KCP: variants seen among roughly 807,000 people sequenced by gnomAD.
KCP encodes kielin cysteine rich BMP regulator, also known as kielin/chordin-like protein.
In KCP, 194 loss-of-function variants were observed where a neutral mutation model predicts 212.7. The observed-to-expected ratio is 0.91, with a 90% CI of 0.81 to 1.03. KCP has a LOEUF of 1.03. KCP is among the 50% of genes least tolerant of loss of function. KCP has a pLI of 0.00. For missense variants in KCP, 2,080 were observed against 2,162.5 expected, an observed-to-expected ratio of 0.96 and a Z score of 0.76; for synonymous variants, 833 against 865.3, an observed-to-expected ratio of 0.96 and a Z score of 0.65.
intron 6 of KCP, 59 bp downstream of exon 6, chr7:128,903,997 G>A: frequency 6.7e-7 from 1 of 1,482,832 alleles, no homozygotes; most frequent in Non-Finnish European, 9.2e-7. Context: ...GCAGGGCCCA[G>A]GGCAGGGCAG....
rs1460772699 is a variant in KCP, at chr7:128,881,728, GC to G, written c.3325-4del. On this transcript the variant is annotated splice_polypyrimidine_tract_variant and splice_region_variant and intron_variant, in intron 30 of 39. Transcript: ENST00000610776. Reference sequence around the variant, plus strand: ...TGGATGCAGAGCCATGTCAGGTCCTGCCCATGTGAACACAAGAGGTAGAGAA... The same window carrying G: ...TGGATGCAGAGCCATGTCAGGTCCTGCCATGTGAACACAAGAGGTAGAGAA... 6.5e-7 allele frequency: 1 copy of G among 1,537,434 alleles called. No individual in the cohort carries two copies. The highest frequency in any genetic ancestry group is 1.4e-5 in the African/African-American group (1 of 71,834).
chr7:128,899,451 C>T (rs1379173376), intron 8 of KCP, among the ~76,000 whole-genome samples: 2 of 152,170 alleles, frequency 1.3e-5, no homozygotes, highest in African/African-American at 4.8e-5. Flanking sequence ...GAAGAAAAAA[C>T]TTTCAGAACT....
At chr7:128,890,747 G>C (rs974166607) in intron 20 of KCP, among the ~76,000 whole-genome samples, 158 bp downstream of exon 20, 1 of 151,992 alleles carries the variant, frequency 6.6e-6, no homozygotes, top group East Asian at 1.9e-4. Context: ...GGGCCGTGCC[G>C]GCTGGCTCCC....
chr7:128,880,902 C>T (rs904909472), intron 32 of KCP, 95 bp downstream of exon 32: 9 of 399,438 alleles, frequency 2.3e-5, no homozygotes, highest in Non-Finnish European at 4.0e-5. Context: ...TGCCCCTGAC[C>T]CTTAAAGACC....
At chr7:128,888,607 CAGCCAG>C (rs1432809008) in intron 22 of KCP, among the ~76,000 whole-genome samples, 2 of 147,902 alleles carry the variant, frequency 1.4e-5, no homozygotes, top group Admixed American at 1.4e-4. Flanking sequence ...CACACACACA[CAGCCAG>C]ACACACACAC....
rs763855299 is a variant in KCP, at chr7:128,888,986, G to A, written c.2389C>T (p.Arg797Ter). 1.2e-5 allele frequency: 18 copies of A among 1,543,016 alleles called. No homozygotes were observed. Among genetic ancestry groups the A allele is most frequent in the Middle Eastern group, 1.7e-4 (1 of 5,964 alleles). The part of the protein sequence containing the change: ...YLSNQEFPDP[R>*]EPCNLCTCLG... The stretch of plus-strand genomic sequence containing the variant: ...CAGGTACACAGGTTGCAGGGTTCTC[G>A]GGGGTCTGGGAACTCCTGGTTACTC... The change falls in exon 22 of 40, where the codon CGA (arginine) becomes TGA (stop). Residue 797 changes from arginine to a stop codon, truncating the protein, a stop_gained. Coordinates refer to ENST00000610776, the MANE Select transcript of KCP (RefSeq NM_001366122.1). LOFTEE classifies it high-confidence loss of function.
Position 128,893,380 on chromosome 7 carries a change from G to A in KCP, c.1185+11C>T, listed in dbSNP as rs1454634754. The A allele has an allele frequency of 4.5e-6, 7 of 1,551,502 alleles. No homozygotes were observed. The highest frequency in any genetic ancestry group is 3.9e-5 in the Admixed American group (2 of 50,988). ...GAGGCAGATCTGGGTGTGAGCGGAG[G>A]GACCGCCTACCTGGCAGGAGCAGCG... On this transcript the variant is annotated intron_variant, in intron 12 of 39. Coordinates refer to ENST00000610776, the MANE Select transcript of KCP (RefSeq NM_001366122.1).
chr7:128,879,506 C>T lies in KCP; in HGVS notation c.4146+16G>A, dbSNP rs929888719. 21 of 1,545,208 alleles carry T rather than the reference C, an allele frequency of 1.4e-5. No individual in the cohort carries two copies. Among genetic ancestry groups the T allele is most frequent in the Middle Eastern group, 1.9e-4 (1 of 5,272 alleles). On this transcript the variant is annotated intron_variant, in intron 37 of 39. Coordinates refer to ENST00000610776, the MANE Select transcript of KCP (RefSeq NM_001366122.1). ...TCCCAGCAGGCAGCCCACCCAGACT[C>T]GCCCTGGAGCCGCACCTGGAGCCCG...
At chr7:128,887,158 C>A in intron 23 of KCP, 57 bp downstream of exon 23, 1 of 1,443,430 alleles carries the variant, frequency 6.9e-7, no homozygotes, top group South Asian at 1.2e-5. Context: ...CTCTTCCTGG[C>A]CAGAGAGGAG....
At chr7:128,896,016 T>C (rs1235721541) in intron 8 of KCP, among the ~76,000 whole-genome samples, 1 of 152,186 alleles carries the variant, frequency 6.6e-6, no homozygotes, top group Non-Finnish European at 1.5e-5. Context: ...CCAAGAACCC[T>C]TTCTTGGGGT....
At chr7:128,888,587 C>T (rs1793882123) in intron 22 of KCP, among the ~76,000 whole-genome samples, 1 of 151,320 alleles carries the variant, frequency 6.6e-6, no homozygotes, top group African/African-American at 2.4e-5. Flanking sequence ...CGGCCACACA[C>T]ACACAGAGCC....
Position 128,879,932 on chromosome 7 carries a change from A to G in KCP, c.3913T>C (p.Cys1305Arg). ...GSCSYVLAKDCHSGDFSVHVT... is the reference protein window; with the variant it reads ...GSCSYVLAKDRHSGDFSVHVT... ...GCACACCTGAAGTCCCCGCTGTGGC[A>G]GTCCTTGGCCAGCACATAGCTGCAA... The change falls in exon 35 of 40, where the codon TGC becomes CGC. Residue 1305 changes from cysteine to arginine, a missense_variant. Coordinates refer to ENST00000610776, the MANE Select transcript of KCP (RefSeq NM_001366122.1). 1.3e-6 allele frequency: 2 copies of G among 1,551,086 alleles called. No homozygotes were observed. The highest frequency in any genetic ancestry group is 8.7e-7 in the Non-Finnish European group (1 of 1,146,964).
rs373218468 is a variant in KCP at position 128,891,496 on chromosome 7, C to T, written c.1833G>A (p.Ala611=). Residue 611 remains alanine, a synonymous_variant, in exon 18 of 40, where the codon GCG becomes GCA. Transcript: ENST00000610776. ...AFGGKEYPSG[A]DFPHPSDPCR... is the part of the protein sequence containing the mutation. The stretch of plus-strand genomic sequence containing the variant: ...AGGGGTCAGAGGGGTGGGGGAAGTC[C>T]GCTCCGCTGGGGTACTCTTTCCCGC... 1 of 1,549,436 alleles carries T rather than the reference C, an allele frequency of 6.5e-7. No homozygotes were observed. Among genetic ancestry groups the T allele is most frequent in the Non-Finnish European group, 8.7e-7 (1 of 1,146,088 alleles).
chr7:128,893,430 T>C lies in KCP; in HGVS notation c.1146A>G (p.Arg382=). 3 of 1,551,432 alleles carry C rather than the reference T, an allele frequency of 1.9e-6. No individual in the cohort carries two copies. The highest frequency in any genetic ancestry group is 2.6e-6 in the Non-Finnish European group (3 of 1,146,894). The change falls in exon 12 of 40, where the codon AGA becomes AGG. Residue 382 remains arginine, a synonymous_variant. Coordinates refer to ENST00000610776, the MANE Select transcript of KCP (RefSeq NM_001366122.1). The part of the protein sequence containing the change: ...GHQYQSQETF[R]LQERGLCVRC... Reference sequence around the variant, plus strand: ...GGACACAGAGGCCCCGCTCTTGGAGTCTGAAGGTCTCCTGGCTCTGATACT... The same window carrying C: ...GGACACAGAGGCCCCGCTCTTGGAGCCTGAAGGTCTCCTGGCTCTGATACT...
At chr7:128,907,494 C>G (rs1795186298) in intron 2 of KCP, 41 bp from the exon 3 acceptor site, 2 of 1,345,572 alleles carry the variant, frequency 1.5e-6, no homozygotes, top group African/African-American at 1.5e-5. Flanking sequence ...GGCTCAGCTT[C>G]CCCCACCATC....
rs1793683182 is a variant in KCP at position 128,886,889 on chromosome 7, G to A, written c.2676C>T (p.Cys892=). ...AAGGCAGCTCACTGTGGCAAACAGG[G>A]CAGAAGCAGGGGCCTGGAGAGGGGT... The part of the protein sequence containing the change: ...CPHPSPGPCF[C]PVCHSCLSQG... Residue 892 remains cysteine, a synonymous_variant, in exon 24 of 40, where the codon TGC becomes TGT. Transcript: ENST00000610776. 6.5e-7 allele frequency: 1 copy of A among 1,529,540 alleles called. No homozygotes were observed. The highest frequency in any genetic ancestry group is 1.2e-5 in the South Asian group (1 of 82,800). 94.7% of individuals were successfully genotyped at this position (1,529,540 alleles called of 1,614,324 possible).
intron 31 of KCP, among the ~76,000 whole-genome samples, chr7:128,881,350 A>G (rs2128944571): frequency 6.6e-6 from 1 of 152,356 alleles, no homozygotes; most frequent in Non-Finnish European, 1.5e-5. Flanking sequence ...CAGCAGTGCA[A>G]TGCCCTCTTC....
chr7:128,877,224 A>C lies in KCP; in HGVS notation c.4706T>G (p.Leu1569Arg). ...CACGCAGTGGGCTGCCAGCTCCCCC[A>C]GGGGGATATGCTGATTGAAGCAGGT... Reference protein sequence around the residue: ...PRTCFNQHIPLGELAAHCVRP... With the variant: ...PRTCFNQHIPRGELAAHCVRP... Residue 1569 changes from leucine to arginine, a missense_variant, in exon 40 of 40, where the codon CTG (leucine) becomes CGG (arginine). Physicochemically the swap from Leu to Arg is moderately radical, Grantham distance 102. Transcript: ENST00000610776. The C allele has an allele frequency of 6.8e-7, 1 of 1,478,798 alleles. No homozygotes were observed. The highest frequency in any genetic ancestry group is 9.0e-7 in the Non-Finnish European group (1 of 1,115,338). The allele number at this position is 1,478,798 out of a possible 1,614,324, so 91.6% of individuals were successfully genotyped here.
In KCP at chr7:128,890,403, C is replaced by T. The variant is rs1477879666; in HGVS notation, c.2275G>A (p.Ala759Thr). ...AAGGGGCACAGTGCAGGGGCACATG[C>T]CTTGGGCTCGCAGCTCACGCTGCCC... ...WEGSVSCEPK[A>T]CAPALCPFPA... The change falls in exon 21 of 40, where the codon GCA becomes ACA. Residue 759 changes from alanine (A) to threonine (T), a missense_variant. Coordinates refer to ENST00000610776, the MANE Select transcript of KCP (RefSeq NM_001366122.1). The T allele has an allele frequency of 2.4e-5, 37 of 1,551,240 alleles. No homozygotes were observed. In the East Asian group the frequency reaches 2.9e-4, roughly 12 times the overall value.
Sources: allele counts gnomAD v4.1 joint callset (sites outside exome capture counted in the v4.1 genomes callset), GRCh38; gene constraint gnomAD v4.1.1; transcripts MANE v1.5; gene names NCBI Gene and HGNC (gene_info 2026-07-23, HGNC 2026-07-21).